MOCOS: variants seen among roughly 807,000 people sequenced by gnomAD.
The protein encoded by MOCOS is molybdenum cofactor sulfurase.
In MOCOS, 86 loss-of-function variants were observed where a neutral mutation model predicts 83.6. The observed-to-expected ratio is 1.03, with a 90% CI of 0.86 to 1.23. The LOEUF (loss-of-function observed/expected upper bound fraction) is 1.23, where lower values mean the gene tolerates loss of function less well. MOCOS is among the 50% of genes most tolerant of loss of function. The pLI, the probability that MOCOS is intolerant of heterozygous loss-of-function variation, is 0.00. For synonymous variants in MOCOS, 445 were observed against 434.7 expected, an observed-to-expected ratio of 1.02 and a Z score of -0.29; for missense variants, 1,120 against 1,126.9, an observed-to-expected ratio of 0.99 and a Z score of 0.09.
intron 13 of MOCOS, among the ~76,000 whole-genome samples, chr18:36,261,825 A>T (rs1032743209): frequency 1.2e-4 from 19 of 152,112 alleles, no homozygotes; most frequent in African/African-American, 7.2e-5. Context: ...CATGTTTTTT[A>T]AAAAAATGCC....
At chr18:36,236,755 T>C (rs1268731045) in intron 9 of MOCOS, among the ~76,000 whole-genome samples, 1 of 142,272 alleles carries the variant, frequency 7.0e-6, no homozygotes, top group East Asian at 2.0e-4. Context: ...TGATTCTTCC[T>C]ACCCATGAGC....
Position 36,266,791 on chromosome 18 carries a change from CA to C in MOCOS, c.2453del (p.Gln818ArgfsTer22). The C allele has an allele frequency of 1.2e-6, 2 of 1,614,090 alleles. No homozygotes were observed. The highest frequency in any genetic ancestry group is 1.7e-6 in the Non-Finnish European group (2 of 1,180,040). ...CAGATGCCAGATGATTTGCATCGACCAGCAAACTGGGCAACGAAACCAGCAT... is the reference window on the plus strand; with the variant it reads ...CAGATGCCAGATGATTTGCATCGACCGCAAACTGGGCAACGAAACCAGCAT... ...CHRCQMICID[Q>X]QTGQRNQHVF... is the part of the protein sequence containing the mutation. On this transcript the variant is annotated frameshift_variant, in exon 14 of 15. Coordinates refer to ENST00000261326, the MANE Select transcript of MOCOS (RefSeq NM_017947.4). LOFTEE classifies it high-confidence loss of function.
At chr18:36,208,368 A>T (rs1483375850) in intron 6 of MOCOS, among the ~76,000 whole-genome samples, 1 of 151,956 alleles carries the variant, frequency 6.6e-6, no homozygotes, top group Non-Finnish European at 1.5e-5. Context: ...AATAACATTG[A>T]CTCTGTAAAT....
chr18:36,202,219 A>G (rs1940784817), intron 4 of MOCOS, among the ~76,000 whole-genome samples: 1 of 152,198 alleles, frequency 6.6e-6, no homozygotes, highest in African/African-American at 2.4e-5. Context: ...TTATTTTATA[A>G]CTCAGCGAAG....
At chr18:36,240,577 G>A (rs556284069) in intron 9 of MOCOS, among the ~76,000 whole-genome samples, 27 of 151,958 alleles carry the variant, frequency 1.8e-4, no homozygotes, top group Non-Finnish European at 3.4e-4. Flanking sequence ...AGAGGTTACT[G>A]CTGTCTTTTT....
Position 36,215,413 on chromosome 18 carries a change from C to G in MOCOS, c.1336-103C>G, listed in dbSNP as rs2091472017. The G allele has an allele frequency of 1.2e-4, 138 of 1,109,148 alleles. 2 individuals are homozygous for G. In the South Asian group the frequency reaches 1.7e-3, roughly 14 times the overall value. 68.7% of individuals were successfully genotyped at this position (1,109,148 alleles called of 1,614,324 possible). On this transcript the variant is annotated intron_variant, in intron 7 of 14. Transcript: ENST00000261326. ...ATATTAATGTTGCAGTTCTGTTTTCCTGGGTTAATTTTAAAATTAACAAAA... is the reference window on the plus strand; with the variant it reads ...ATATTAATGTTGCAGTTCTGTTTTCGTGGGTTAATTTTAAAATTAACAAAA...
chr18:36,248,817 C>A, intron 9 of MOCOS, 105 bp from the exon 10 acceptor site: 2 of 887,526 alleles, frequency 2.3e-6, no homozygotes, highest in Non-Finnish European at 3.7e-6. Context: ...ATTTTTATGT[C>A]AGTACCATGC....
chr18:36,193,355 A>AT lies in MOCOS; in HGVS notation c.143-1902_143-1901insT, dbSNP rs2091374271. 1.1e-4 allele frequency among the ~76,000 whole-genome samples: 16 copies of AT among 145,754 alleles called. 2 individuals are homozygous for AT. In the East Asian group the frequency reaches 3.3e-3, roughly 30 times the overall value. Reference sequence around the variant, plus strand: ...AAAAAAAAAAAAAAAAAAAAAAAAAAGTTACAGAATGAGGACAGTGTGATA... The same window carrying AT: ...AAAAAAAAAAAAAAAAAAAAAAAAAATGTTACAGAATGAGGACAGTGTGATA... On this transcript the variant is annotated intron_variant, in intron 1 of 14. Coordinates refer to ENST00000261326, the MANE Select transcript of MOCOS (RefSeq NM_017947.4).
chr18:36,250,019 A>G (rs946134404), intron 10 of MOCOS, among the ~76,000 whole-genome samples: 65 of 152,304 alleles, frequency 4.3e-4, no homozygotes, highest in African/African-American at 1.5e-3. Context: ...TTTTTATTGA[A>G]TAAATCAAAT....
rs2091698746 is a variant in MOCOS, at chr18:36,271,439, G to A, written c.*2754G>A. 6.6e-6 allele frequency: 1 copy of A among 151,996 alleles called. No homozygotes were observed. The highest frequency in any genetic ancestry group is 1.5e-5 in the Non-Finnish European group (1 of 68,000). The allele number at this position is 151,996 out of a possible 1,614,324, so 9.4% of individuals were successfully genotyped here. On this transcript the variant is annotated 3_prime_UTR_variant, in exon 15 of 15. Coordinates refer to ENST00000261326, the MANE Select transcript of MOCOS (RefSeq NM_017947.4). The stretch of plus-strand genomic sequence containing the variant: ...TCAATATTTCTTGTATGAAGTTTCA[G>A]CTAAAAATGTACTTTGTGTATCTGT...
chr18:36,242,479 A>G (rs1026984389), intron 9 of MOCOS, among the ~76,000 whole-genome samples: 14 of 152,256 alleles, frequency 9.2e-5, no homozygotes, highest in Middle Eastern at 3.4e-3. Context: ...ACCTCTCCCC[A>G]TTACCTAGTT....
intron 1 of MOCOS, among the ~76,000 whole-genome samples, chr18:36,188,513 C>G (rs1397951366): frequency 1.3e-5 from 2 of 152,212 alleles, no homozygotes. Flanking sequence ...AGGGCTTCAT[C>G]AAGCCCCAGG....
At chr18:36,228,583 G>A (rs1254619935) in intron 9 of MOCOS, among the ~76,000 whole-genome samples, 1 of 152,104 alleles carries the variant, frequency 6.6e-6, no homozygotes, top group East Asian at 1.9e-4. Flanking sequence ...CATAGGAACA[G>A]AAAACCAAAT....
intron 1 of MOCOS, among the ~76,000 whole-genome samples, chr18:36,192,434 T>C (rs1357882794): frequency 6.6e-6 from 1 of 152,124 alleles, no homozygotes; most frequent in Non-Finnish European, 1.5e-5. Flanking sequence ...TAAAACATCA[T>C]TGAAAGAAAT....
intron 9 of MOCOS, among the ~76,000 whole-genome samples, chr18:36,232,889 C>CACACACACACACACA (rs781333459): frequency 6.9e-6 from 1 of 145,588 alleles, no homozygotes; most frequent in Non-Finnish European, 1.5e-5. Context: ...CACACACACA[C>CACACACACACACACA]CATTTTCTTT....
At chr18:36,259,316 A>G (rs2144150588) in intron 12 of MOCOS, among the ~76,000 whole-genome samples, 1 of 151,966 alleles carries the variant, frequency 6.6e-6, no homozygotes, top group Non-Finnish European at 1.5e-5. Context: ...ATGGTGGCAC[A>G]TGCTTGTAGT....
chr18:36,238,439 C>G (rs1171153915), intron 9 of MOCOS, among the ~76,000 whole-genome samples: 2 of 149,682 alleles, frequency 1.3e-5, no homozygotes, highest in African/African-American at 4.9e-5. Context: ...TGTAGTTGAG[C>G]GGTTTTGAGT....
At chr18:36,253,247 C>T (rs1376793554) in intron 11 of MOCOS, among the ~76,000 whole-genome samples, 1 of 152,118 alleles carries the variant, frequency 6.6e-6, no homozygotes, top group Non-Finnish European at 1.5e-5. Flanking sequence ...AGATCAATTG[C>T]CAGCAGATAG....
At chr18:36,248,318 G>A (rs1350463343) in intron 9 of MOCOS, among the ~76,000 whole-genome samples, 3 of 152,078 alleles carry the variant, frequency 2.0e-5, no homozygotes, top group Non-Finnish European at 4.4e-5. Context: ...TCACTGTTGA[G>A]TTGTTGATTT....
Sources: allele counts gnomAD v4.1 joint callset (sites outside exome capture counted in the v4.1 genomes callset), GRCh38; gene constraint gnomAD v4.1.1; transcripts MANE v1.5; gene names NCBI Gene and HGNC (gene_info 2026-07-23, HGNC 2026-07-21).